Variants in PPP1R14C observed in about 807,000 individuals in gnomAD.
PPP1R14C encodes protein phosphatase 1 regulatory subunit 14C.
A neutral mutation model predicts 20.4 loss-of-function variants in PPP1R14C; 16 were observed. The observed-to-expected ratio is 0.78, with a 90% CI of 0.53 to 1.19. The LOEUF is 1.19. PPP1R14C is among the 50% of genes most tolerant of loss of function. The pLI is 0.00. For missense variants in PPP1R14C, 211 were observed against 220.1 expected (o/e 0.96, Z 0.26); for synonymous variants, 91 against 91.0 (o/e 1.00, Z 0.00).
At chr6:150,177,069 C>T (rs905787208) in intron 1 of PPP1R14C, among the ~76,000 whole-genome samples, 1 of 152,162 alleles carries the variant, frequency 6.6e-6, no homozygotes, top group Non-Finnish European at 1.5e-5. Context: ...CTCAGCCTGG[C>T]CCTGGTTCCT....
intron 1 of PPP1R14C, among the ~76,000 whole-genome samples, chr6:150,198,008 C>G (rs1228889766): frequency 2.7e-5 from 1 of 37,584 alleles, no homozygotes; most frequent in African/African-American, 1.4e-4. Flanking sequence ...TGTGCCCCTG[C>G]CCTTCATGGT....
chr6:150,176,272 G>A (rs1206797713), intron 1 of PPP1R14C, among the ~76,000 whole-genome samples: 1 of 152,210 alleles, frequency 6.6e-6, no homozygotes, highest in African/African-American at 2.4e-5. Flanking sequence ...CTTCTCAACG[G>A]GAGTGCCCGT....
intron 3 of PPP1R14C, among the ~76,000 whole-genome samples, chr6:150,237,808 CT>C (rs1466996701): frequency 6.6e-6 from 1 of 152,132 alleles, no homozygotes; most frequent in Admixed American, 6.5e-5. Context: ...TAGAGTCCCT[CT>C]CGTAGGCATG....
chr6:150,184,561 G>A (rs1777656942), intron 1 of PPP1R14C, among the ~76,000 whole-genome samples: 1 of 151,922 alleles, frequency 6.6e-6, no homozygotes, highest in Admixed American at 6.6e-5. Flanking sequence ...CCTCTTCATG[G>A]CCACATGTTG....
intron 3 of PPP1R14C, among the ~76,000 whole-genome samples, chr6:150,221,890 C>T (rs1202299764): frequency 2.6e-5 from 4 of 152,202 alleles, no homozygotes; most frequent in African/African-American, 9.7e-5. Flanking sequence ...CCTCAATCTC[C>T]TGGGCTCAAG....
chr6:150,143,231 G>C lies in PPP1R14C; in HGVS notation c.39G>C (p.Gly13=). Residue 13 remains glycine (G), a synonymous_variant, in exon 1 of 4, where the codon GGG becomes GGC. Coordinates refer to ENST00000361131, the MANE Select transcript of PPP1R14C (RefSeq NM_030949.3). The surrounding 1 kb of genome is among the most constrained non-coding windows in gnomAD (Gnocchi z 5.6). ...CGGGCAGCAGCGAGACGGCCGGCGG[G>C]GCCAGCGGCGGCGGCGCACGGGTTT... The part of the protein sequence containing the change: ...VATGSSETAG[G]ASGGGARVFF... 5.8e-6 allele frequency: 8 copies of C among 1,380,446 alleles called. No individual in the cohort carries two copies. Among genetic ancestry groups the C allele is most frequent in the Non-Finnish European group, 7.4e-6 (8 of 1,078,844 alleles). 85.5% of individuals were successfully genotyped at this position (1,380,446 alleles called of 1,614,324 possible).
At chr6:150,244,342 A>G (rs1207216907) in intron 3 of PPP1R14C, among the ~76,000 whole-genome samples, 2 of 152,218 alleles carry the variant, frequency 1.3e-5, no homozygotes, top group African/African-American at 2.4e-5. Context: ...TCTTTCTGCT[A>G]GAAACACTTT....
At chr6:150,235,123 T>G (rs1473749757) in intron 3 of PPP1R14C, among the ~76,000 whole-genome samples, 1 of 152,228 alleles carries the variant, frequency 6.6e-6, no homozygotes, top group African/African-American at 2.4e-5. Flanking sequence ...GATCTCATTT[T>G]GTTGTCCATG....
intron 1 of PPP1R14C, among the ~76,000 whole-genome samples, chr6:150,163,055 G>C (rs1489447765): frequency 6.6e-6 from 1 of 152,176 alleles, no homozygotes; most frequent in African/African-American, 2.4e-5. Flanking sequence ...GGAACAGAAA[G>C]TACTGTGAGG....
intron 1 of PPP1R14C, among the ~76,000 whole-genome samples, chr6:150,212,969 TTTA>T (rs1778045954): frequency 6.6e-6 from 1 of 152,228 alleles, no homozygotes; most frequent in African/African-American, 2.4e-5. Flanking sequence ...ATCCTTCAGC[TTTA>T]TTATCATCAA....
chr6:150,200,576 CT>C (rs377155893), intron 1 of PPP1R14C, among the ~76,000 whole-genome samples: 15 of 152,314 alleles, frequency 9.8e-5, no homozygotes, highest in African/African-American at 3.4e-4. Context: ...GGCCCTGCCC[CT>C]GGCTCTCTTC....
At chr6:150,186,382 G>A (rs1052649194) in intron 1 of PPP1R14C, among the ~76,000 whole-genome samples, 7 of 152,106 alleles carry the variant, frequency 4.6e-5, no homozygotes, top group African/African-American at 9.7e-5. Context: ...GTGTGTTACC[G>A]GACAGTCCCC....
rs1486914229 is a variant in PPP1R14C at position 150,143,465 on chromosome 6, C to A, written c.273C>A (p.Ile91=). ...LRKRLVLEEW[I]VEQLGQLYGC... ...AGCGGCTGGTGCTGGAGGAATGGAT[C>A]GTGGAGCAGCTGGGTCAGCTCTACG... The change falls in exon 1 of 4, where the codon ATC becomes ATA. Residue 91 remains isoleucine (I), a synonymous_variant. Transcript: ENST00000361131. This position sits in a 1 kb window ranked among gnomAD's most constrained non-coding sequence, Gnocchi z 5.6. 2 of 1,535,088 alleles carry A rather than the reference C, an allele frequency of 1.3e-6. No individual in the cohort carries two copies. The highest frequency in any genetic ancestry group is 1.8e-6 in the Non-Finnish European group (2 of 1,133,894).
chr6:150,235,235 C>T (rs749781533), intron 3 of PPP1R14C, among the ~76,000 whole-genome samples: 11 of 152,262 alleles, frequency 7.2e-5, no homozygotes, highest in Non-Finnish European at 1.5e-4. Context: ...ACTATAGGTG[C>T]GCACCACCAC....
intron 1 of PPP1R14C, among the ~76,000 whole-genome samples, chr6:150,193,219 CT>C (rs952908563): frequency 1.3e-5 from 2 of 151,782 alleles, no homozygotes; most frequent in Admixed American, 6.6e-5. Context: ...TCACTCAAGG[CT>C]TGTTTAATCA....
Position 150,248,906 on chromosome 6 carries a change from G to T in PPP1R14C, c.*86G>T. On this transcript the variant is annotated 3_prime_UTR_variant, in exon 4 of 4. Transcript: ENST00000361131. Reference sequence around the variant, plus strand: ...TGAAGACTTTTGTGAAAGAATAGGTGTCCTTATGAACAACGTTTTTGTTTT... The same window carrying T: ...TGAAGACTTTTGTGAAAGAATAGGTTTCCTTATGAACAACGTTTTTGTTTT... 1 of 761,964 alleles carries T rather than the reference G, an allele frequency of 1.3e-6. No homozygotes were observed. Among genetic ancestry groups the T allele is most frequent in the Non-Finnish European group, 2.1e-6 (1 of 473,334 alleles). The allele number at this position is 761,964 out of a possible 1,614,324, so 47.2% of individuals were successfully genotyped here. A position where few individuals can be genotyped will look rare whatever the true frequency, so the allele number is the denominator to read the frequency against.
chr6:150,193,010 G>A (rs1271935076), intron 1 of PPP1R14C, among the ~76,000 whole-genome samples: 1 of 152,208 alleles, frequency 6.6e-6, no homozygotes. Context: ...AATATTCTGA[G>A]TGATCAGTTC....
chr6:150,210,419 T>A (rs888008615), intron 1 of PPP1R14C, among the ~76,000 whole-genome samples: 2 of 152,224 alleles, frequency 1.3e-5, no homozygotes, highest in Admixed American at 6.5e-5. Context: ...TAAAATCTTA[T>A]TTTTGCCAGG....
At chr6:150,231,978 A>G (rs1778301417) in intron 3 of PPP1R14C, among the ~76,000 whole-genome samples, 3 of 152,210 alleles carry the variant, frequency 2.0e-5, no homozygotes, top group South Asian at 4.1e-4. Flanking sequence ...CCTTGTGTAC[A>G]AGACTTTCTC....
Sources: gnomAD v4.1 joint callset for allele counts (sites outside exome capture counted in the v4.1 genomes callset) on GRCh38, gnomAD v4.1.1 for gene constraint, Gnocchi (gnomAD v3.1) non-coding constraint, MANE v1.5 for transcripts, NCBI Gene and HGNC (gene_info 2026-07-23, HGNC 2026-07-21) for gene names.